SLCO3A1: variants seen among roughly 807,000 people sequenced by gnomAD.
The protein encoded by SLCO3A1 is PGE1 transporter.
A neutral mutation model predicts 63.1 loss-of-function variants in SLCO3A1; 27 were observed. The observed-to-expected ratio is 0.43, with a 90% CI of 0.32 to 0.59. The LOEUF is 0.59. SLCO3A1 is among the 20% of genes least tolerant of loss of function. The pLI is 0.09. For missense variants in SLCO3A1, 773 were observed against 945.8 expected (o/e 0.82, Z 2.40); for synonymous variants, 473 against 409.9 (o/e 1.15, Z -1.86).
chr15:92,093,129 C>A (rs1345458840), intron 2 of SLCO3A1, among the ~76,000 whole-genome samples: 1 of 152,182 alleles, frequency 6.6e-6, no homozygotes, highest in Non-Finnish European at 1.5e-5. Context: ...TGTGTTAGTT[C>A]ATTCTTGCCT....
chr15:91,956,211 G>A (rs542840934), intron 2 of SLCO3A1, among the ~76,000 whole-genome samples: 38 of 152,142 alleles, frequency 2.5e-4, no homozygotes, highest in African/African-American at 6.8e-4. Context: ...GGTTTCTGGC[G>A]TTCTACAGAA....
intron 2 of SLCO3A1, among the ~76,000 whole-genome samples, chr15:92,048,163 C>T (rs2046913002): frequency 1.3e-5 from 2 of 152,102 alleles, no homozygotes; most frequent in Admixed American, 1.3e-4. Context: ...CAGACCTCCC[C>T]AGAACCCCAG....
chr15:91,995,224 G>C (rs2046176582), intron 2 of SLCO3A1, among the ~76,000 whole-genome samples: 1 of 152,156 alleles, frequency 6.6e-6, no homozygotes, highest in Non-Finnish European at 1.5e-5. Flanking sequence ...AGCATAAGCA[G>C]AGGAAGGCAC....
At chr15:91,909,857 G>A (rs565125989) in intron 1 of SLCO3A1, among the ~76,000 whole-genome samples, 1 of 152,148 alleles carries the variant, frequency 6.6e-6, no homozygotes, top group Non-Finnish European at 1.5e-5. Context: ...TCTGCCACAG[G>A]GGCCTTTCCT....
At chr15:92,104,685 C>A in intron 4 of SLCO3A1, 143 bp downstream of exon 4, 1 of 793,762 alleles carries the variant, frequency 1.3e-6, no homozygotes, top group Non-Finnish European at 1.9e-6. Flanking sequence ...CTGGCCTCTA[C>A]CAGCCAGGTG....
Position 91,982,111 on chromosome 15 carries a change from T to C in SLCO3A1, c.646+65653T>C, listed in dbSNP as rs556108175. On this transcript the variant is annotated intron_variant, in intron 2 of 9. Transcript: ENST00000318445. The stretch of plus-strand genomic sequence containing the variant: ...TGCCAGATTCTGGCCCTCAGGCAGC[T>C]GCCCAAAGAGCTCTTGCCAATGCCG... Among the ~76,000 whole-genome samples, 8 of 152,396 alleles carry C rather than the reference T, an allele frequency of 5.2e-5. No homozygotes were observed. In the East Asian group the frequency reaches 1.3e-3, roughly 26 times the overall value.
Position 91,948,940 on chromosome 15 carries a change from A to G in SLCO3A1, c.646+32482A>G, listed in dbSNP as rs1442541508. ...TCAATACTTTGGTTTTTTTTTTTTTACTATTATTTCTGCTTACCTCACCTT... is the reference window on the plus strand; with the variant it reads ...TCAATACTTTGGTTTTTTTTTTTTTGCTATTATTTCTGCTTACCTCACCTT... On this transcript the variant is annotated intron_variant, in intron 2 of 9. Transcript: ENST00000318445. This position sits in a 1 kb window ranked among gnomAD's most constrained non-coding sequence, Gnocchi z 4.8. Among the ~76,000 whole-genome samples, 1 of 147,944 alleles carries G rather than the reference A, an allele frequency of 6.8e-6. No homozygotes were observed. Among genetic ancestry groups the G allele is most frequent in the Non-Finnish European group, 1.5e-5 (1 of 66,900 alleles).
chr15:92,171,706 T>C (rs2048522369), intron 10 of SLCO3A1: 2 of 1,077,470 alleles, frequency 1.9e-6, no homozygotes, highest in South Asian at 2.7e-5. Flanking sequence ...TAAATAAGCC[T>C]AACAAACAGT....
chr15:91,931,253 G>A (rs536256479), intron 2 of SLCO3A1, among the ~76,000 whole-genome samples: 27 of 152,300 alleles, frequency 1.8e-4, no homozygotes, highest in Middle Eastern at 3.4e-3. Context: ...GATGCATTAT[G>A]CAGGCAAAGA....
At chr15:92,072,240 G>A (rs1439533732) in intron 2 of SLCO3A1, among the ~76,000 whole-genome samples, 2 of 147,588 alleles carry the variant, frequency 1.4e-5, no homozygotes, top group Non-Finnish European at 3.0e-5. Flanking sequence ...TGCATTGTGT[G>A]TTTAAAAGGA....
rs190796024 is a variant in SLCO3A1, at chr15:91,968,685, A to G, written c.646+52227A>G. 4.6e-5 allele frequency among the ~76,000 whole-genome samples: 7 copies of G among 152,310 alleles called. No homozygotes were observed. In the East Asian group the frequency reaches 1.4e-3, roughly 29 times the overall value. On this transcript the variant is annotated intron_variant, in intron 2 of 9. Transcript: ENST00000318445. The surrounding 1 kb of genome is among the most constrained non-coding windows in gnomAD (Gnocchi z 4.2). ...CATTCTTCAGACAGAGAAAGGGTGC[A>G]CACGCAGACCCGCAAGCACAGCCTT...
chr15:92,136,418 G>A (rs1337954954), intron 7 of SLCO3A1, among the ~76,000 whole-genome samples: 9 of 152,112 alleles, frequency 5.9e-5, no homozygotes, highest in Admixed American at 6.5e-5. Flanking sequence ...TTGTAATACC[G>A]GCTGTCAAAA....
intron 4 of SLCO3A1, among the ~76,000 whole-genome samples, chr15:92,113,173 G>C (rs562138916): frequency 6.6e-6 from 1 of 152,168 alleles, no homozygotes; most frequent in African/African-American, 2.4e-5. Context: ...GATCCCGAGC[G>C]GAGCCTGCGT....
intron 1 of SLCO3A1, among the ~76,000 whole-genome samples, chr15:91,888,562 T>G (rs1379871254): frequency 6.6e-6 from 1 of 152,160 alleles, no homozygotes; most frequent in Non-Finnish European, 1.5e-5. Flanking sequence ...ATCTCAATTT[T>G]TTTTCCTACA....
At chr15:92,089,805 A>G (rs988114131) in intron 2 of SLCO3A1, among the ~76,000 whole-genome samples, 11 of 152,142 alleles carry the variant, frequency 7.2e-5, no homozygotes, top group African/African-American at 2.7e-4. Context: ...ACCTAGACTA[A>G]TCTGTCATGG....
chr15:92,160,381 T>G (rs988086860), intron 9 of SLCO3A1, among the ~76,000 whole-genome samples: 18 of 152,016 alleles, frequency 1.2e-4, no homozygotes, highest in Non-Finnish European at 5.9e-5. Flanking sequence ...CTCTTTCAAC[T>G]GGAGTGAAAT....
At chr15:91,893,126 G>A (rs1430700894) in intron 1 of SLCO3A1, among the ~76,000 whole-genome samples, 1 of 152,194 alleles carries the variant, frequency 6.6e-6, no homozygotes, top group Non-Finnish European at 1.5e-5. Flanking sequence ...CTTCTGCAAG[G>A]TAGGCACTAA....
intron 1 of SLCO3A1, among the ~76,000 whole-genome samples, chr15:91,890,757 G>A (rs10468144): frequency 0.24 from 36,214 of 152,046 alleles, 5,086 homozygotes; most frequent in East Asian, 0.41. Flanking sequence ...GGTCTGGGCA[G>A]CCTCCCTCAC....
At chr15:92,038,450 C>T (rs896173679) in intron 2 of SLCO3A1, among the ~76,000 whole-genome samples, 6 of 152,074 alleles carry the variant, frequency 3.9e-5, no homozygotes, top group East Asian at 1.9e-4. Flanking sequence ...CAATCCTATA[C>T]GCCAACAATA....
Sources: allele counts gnomAD v4.1 joint callset (sites outside exome capture counted in the v4.1 genomes callset), GRCh38; gene constraint gnomAD v4.1.1; non-coding constraint Gnocchi (gnomAD v3.1); transcripts MANE v1.5; gene names NCBI Gene and HGNC (gene_info 2026-07-23, HGNC 2026-07-21).